The following TLN2 variants were observed in gnomAD, a reference collection of about 807,000 sequenced individuals.
TLN2 encodes talin-2.
TLN2 carries 118 observed loss-of-function variants against 294.7 expected under a neutral mutation model. The ratio of observed to expected loss-of-function variants is 0.40; its 90% CI spans 0.34 to 0.47. TLN2 has a LOEUF of 0.47. Ranked by LOEUF, TLN2 falls within the 20% of genes least tolerant of loss-of-function variation. The probability of loss-of-function intolerance (pLI) is 0.84; values close to 1 mark genes in which losing one functional copy is unlikely to be tolerated. For missense variants in TLN2, 3,083 were observed against 3,282.2 expected (o/e 0.94, Z 1.48); for synonymous variants, 1,431 against 1,304.5 (o/e 1.10, Z -2.09).
chr15:62,484,647 G>A lies in TLN2; in HGVS notation c.-238+93962G>A, dbSNP rs542399908. On this transcript the variant is annotated intron_variant, in intron 1 of 58. Transcript: ENST00000636159. ...TCACCATGTTGGCCAGGCTGATCTC[G>A]AACTCCTGACCTCATGATCCACCCG... Among the ~76,000 whole-genome samples, 54 of 152,104 alleles carry A rather than the reference G, an allele frequency of 3.6e-4. 1 individual carries two copies. In the South Asian group the frequency reaches 0.01, roughly 29 times the overall value.
intron 51 of TLN2, among the ~76,000 whole-genome samples, chr15:62,809,009 G>C (rs1369657081): frequency 1.3e-5 from 2 of 152,196 alleles, no homozygotes; most frequent in Non-Finnish European, 2.9e-5. Flanking sequence ...TTATCCCAAT[G>C]TGTGATTTGT....
At chr15:62,502,927 G>A (rs1192521356) in intron 1 of TLN2, among the ~76,000 whole-genome samples, 2 of 152,204 alleles carry the variant, frequency 1.3e-5, no homozygotes, top group African/African-American at 4.8e-5. Context: ...CCCAGAGGTG[G>A]GTTGGAGGAA....
At chr15:62,792,584 C>T in intron 45 of TLN2, 57 bp from the exon 46 acceptor site, 1 of 1,584,906 alleles carries the variant, frequency 6.3e-7, no homozygotes, top group East Asian at 2.3e-5. Context: ...GTAGGGAAGG[C>T]CTCGATGGCA....
intron 1 of TLN2, among the ~76,000 whole-genome samples, chr15:62,543,826 A>G (rs8039781): frequency 0.27 from 40,832 of 151,578 alleles, 5,824 homozygotes; most frequent in East Asian, 0.55. Flanking sequence ...AATGAATGAA[A>G]TAATCACACA....
At chr15:62,743,927 T>A (rs76987702) in intron 32 of TLN2, among the ~76,000 whole-genome samples, 1 of 152,086 alleles carries the variant, frequency 6.6e-6, no homozygotes, top group Non-Finnish European at 1.5e-5. Context: ...GGCTCCCCTT[T>A]GGTCTGAGGT....
At chr15:62,670,016 G>A (rs183136886) in intron 9 of TLN2, among the ~76,000 whole-genome samples, 54 of 152,302 alleles carry the variant, frequency 3.5e-4, no homozygotes, top group African/African-American at 1.1e-3. Flanking sequence ...CTGGTTTGGC[G>A]GAGTTTGAAA....
In TLN2 at chr15:62,414,201, A is replaced by G. The variant is rs1466151517; in HGVS notation, c.-238+23516A>G. On this transcript the variant is annotated intron_variant, in intron 1 of 58. Coordinates refer to ENST00000636159, the MANE Select transcript of TLN2 (RefSeq NM_015059.3). ...ATATATATATATATATAATTTGAGA[A>G]ATTAAATCCTTTTAGATGATAGTAG... Among the ~76,000 whole-genome samples the G allele has an allele frequency of 9.4e-5, 10 of 106,056 alleles. 2 individuals are homozygous for G. Among genetic ancestry groups the G allele is most frequent in the Non-Finnish European group, 1.6e-4 (8 of 51,340 alleles). 69.6% of individuals were successfully genotyped at this position (106,056 alleles called of 152,430 possible). A position where few individuals can be genotyped will look rare whatever the true frequency, so the allele number is the denominator to read the frequency against.
chr15:62,441,648 G>C (rs1187246256), intron 1 of TLN2, among the ~76,000 whole-genome samples: 3 of 152,168 alleles, frequency 2.0e-5, no homozygotes, highest in Non-Finnish European at 4.4e-5. Flanking sequence ...CATCTACCTG[G>C]AGATATAGGG....
chr15:62,432,993 G>T (rs760573038), intron 1 of TLN2, among the ~76,000 whole-genome samples: 28 of 152,256 alleles, frequency 1.8e-4, no homozygotes, highest in Non-Finnish European at 3.4e-4. Flanking sequence ...ATAGACCACA[G>T]CATATGCCAC....
intron 3 of TLN2, among the ~76,000 whole-genome samples, chr15:62,632,860 G>A (rs1053334538): frequency 1.3e-5 from 2 of 152,136 alleles, no homozygotes; most frequent in Non-Finnish European, 2.9e-5. Flanking sequence ...ATGGAGGAGC[G>A]AACTGACAAG....
intron 12 of TLN2, among the ~76,000 whole-genome samples, chr15:62,691,262 C>T (rs906712079): frequency 2.0e-5 from 3 of 152,104 alleles, no homozygotes; most frequent in African/African-American, 4.8e-5. Context: ...CCTATAAGTC[C>T]GTGAAGCTCT....
At position 62,722,337 on chromosome 15, in the gene TLN2, T is replaced by C; in HGVS notation, c.2992-16T>C. On this transcript the variant is annotated splice_polypyrimidine_tract_variant and intron_variant, in intron 25 of 58. Transcript: ENST00000636159. Reference sequence around the variant, plus strand: ...CTGCCCAGGAGCCATCTTACTTTCTTTTCATCTCTCTATAGCCTGGAAGCA... The same window carrying C: ...CTGCCCAGGAGCCATCTTACTTTCTCTTCATCTCTCTATAGCCTGGAAGCA... 6.3e-7 allele frequency: 1 copy of C among 1,595,490 alleles called. No individual in the cohort carries two copies. Among genetic ancestry groups the C allele is most frequent in the Non-Finnish European group, 8.6e-7 (1 of 1,166,512 alleles).
intron 3 of TLN2, among the ~76,000 whole-genome samples, chr15:62,641,658 C>T (rs1432425379): frequency 3.7e-5 from 2 of 53,956 alleles, no homozygotes; most frequent in Non-Finnish European, 1.2e-4. Context: ...AATAACAAGC[C>T]CTTACCTAAG....
chr15:62,529,228 G>C (rs767622737), intron 1 of TLN2, among the ~76,000 whole-genome samples: 1 of 151,806 alleles, frequency 6.6e-6, no homozygotes, highest in Non-Finnish European at 1.5e-5. Flanking sequence ...TGAGTAGCTG[G>C]GACTACAGGT....
chr15:62,494,683 T>A (rs1216077404), intron 1 of TLN2, among the ~76,000 whole-genome samples: 2 of 152,146 alleles, frequency 1.3e-5, no homozygotes, highest in Non-Finnish European at 2.9e-5. Flanking sequence ...TATGTCTCTT[T>A]CCAGCTCTAT....
intron 1 of TLN2, among the ~76,000 whole-genome samples, chr15:62,511,400 C>A (rs186911693): frequency 6.6e-6 from 1 of 152,334 alleles, no homozygotes; most frequent in Non-Finnish European, 1.5e-5. Flanking sequence ...GTGAAAATTT[C>A]TTTGAATTCT....
chr15:62,482,215 C>T (rs1178378738), intron 1 of TLN2, among the ~76,000 whole-genome samples: 1 of 152,176 alleles, frequency 6.6e-6, no homozygotes, highest in African/African-American at 2.4e-5. Context: ...TTGCATTGCA[C>T]ATTTCTGTAA....
intron 30 of TLN2, among the ~76,000 whole-genome samples, chr15:62,738,799 G>A (rs2061165560): frequency 6.6e-6 from 1 of 152,170 alleles, no homozygotes; most frequent in African/African-American, 2.4e-5. Flanking sequence ...TAGAGGCAAT[G>A]TTTGTGGGTG....
In TLN2 at chr15:62,522,004, C is replaced by T. The variant is rs754786924; in HGVS notation, c.-237-67683C>T. Among the ~76,000 whole-genome samples the T allele has an allele frequency of 1.7e-4, 26 of 152,106 alleles. 1 individual carries two copies. The highest frequency in any genetic ancestry group is 7.2e-4 in the Admixed American group (11 of 15,270). On this transcript the variant is annotated intron_variant, in intron 1 of 58. Coordinates refer to ENST00000636159, the MANE Select transcript of TLN2 (RefSeq NM_015059.3). ...AATACTGGTCGTTTTGCCTAAACTC[C>T]AAAAGGGAGCTGGTATAAAGAGGCG...
Sources: gnomAD v4.1 joint callset for allele counts (sites outside exome capture counted in the v4.1 genomes callset) on GRCh38, gnomAD v4.1.1 for gene constraint, MANE v1.5 for transcripts, NCBI Gene and HGNC (gene_info 2026-07-23, HGNC 2026-07-21) for gene names.